The following EPB41L4A variants were observed in gnomAD, a reference collection of about 807,000 sequenced individuals.
The protein encoded by EPB41L4A is erythrocyte membrane protein band 4.1 like 4A, also known as band 4.1-like protein 4A.
EPB41L4A carries 100 observed loss-of-function variants against 108.6 expected under a neutral mutation model. The observed-to-expected ratio is 0.92, with a 90% CI of 0.78 to 1.09. The LOEUF is 1.09. Ranked by LOEUF, EPB41L4A falls within the 50% of genes least tolerant of loss-of-function variation. The pLI is 0.00. For missense variants in EPB41L4A, 1,030 were observed against 842.7 expected (o/e 1.22, Z -2.75); for synonymous variants, 319 against 289.0 (o/e 1.10, Z -1.05).
intron 1 of EPB41L4A, among the ~76,000 whole-genome samples, chr5:112,390,608 T>G (rs1760872099): frequency 6.6e-6 from 1 of 152,340 alleles, no homozygotes. Context: ...AGACTCCACC[T>G]CTGGGGGCAC....
chr5:112,178,860 G>C (rs1448752230), intron 18 of EPB41L4A, among the ~76,000 whole-genome samples: 6 of 151,320 alleles, frequency 4.0e-5, no homozygotes, highest in Non-Finnish European at 8.9e-5. Flanking sequence ...GAAAAAAGAA[G>C]AGCAGGTAAA....
intron 12 of EPB41L4A, among the ~76,000 whole-genome samples, chr5:112,151,482 A>T (rs1301811863): frequency 6.6e-6 from 1 of 151,748 alleles, no homozygotes; most frequent in Non-Finnish European, 1.5e-5. Context: ...ATCTTAGTTC[A>T]CTGCAGCCTC....
intron 1 of EPB41L4A, among the ~76,000 whole-genome samples, chr5:112,373,540 T>C (rs1759625289): frequency 6.6e-6 from 1 of 152,266 alleles, no homozygotes; most frequent in African/African-American, 2.4e-5. Context: ...ACTTGTTATG[T>C]GTCATGTGTT....
At chr5:112,162,067 T>A (rs1226413930), downstream of EPB41L4A, 1 of 152,236 alleles carries the variant, frequency 6.6e-6, no homozygotes, top group African/African-American at 2.4e-5. Context: ...GCTTGTGAAA[T>A]CGCAGGCATA....
intron 12 of EPB41L4A, among the ~76,000 whole-genome samples, chr5:112,212,171 G>C (rs1387073821): frequency 6.6e-6 from 1 of 152,188 alleles, no homozygotes; most frequent in Non-Finnish European, 1.5e-5. Context: ...TGCAGGCAAA[G>C]ATTTGGGATG....
intron 1 of EPB41L4A, among the ~76,000 whole-genome samples, chr5:112,320,466 T>A (rs1433806968): frequency 6.6e-6 from 1 of 152,210 alleles, no homozygotes; most frequent in African/African-American, 2.4e-5. Flanking sequence ...ACTTTTGTTA[T>A]CACTAAAGTG....
At chr5:112,401,551 G>A (rs1330717053) in intron 1 of EPB41L4A, among the ~76,000 whole-genome samples, 1 of 152,166 alleles carries the variant, frequency 6.6e-6, no homozygotes, top group African/African-American at 2.4e-5. Flanking sequence ...GATTGCATAT[G>A]CTTTATTCTC....
chr5:112,343,813 C>T (rs923703869), intron 1 of EPB41L4A, among the ~76,000 whole-genome samples: 1 of 152,182 alleles, frequency 6.6e-6, no homozygotes, highest in Non-Finnish European at 1.5e-5. Context: ...AATTACAATG[C>T]ACAGCCCTCT....
intron 17 of EPB41L4A, among the ~76,000 whole-genome samples, chr5:112,193,294 T>C (rs1274516132): frequency 6.6e-6 from 1 of 152,212 alleles, no homozygotes; most frequent in Admixed American, 6.5e-5. Flanking sequence ...TTTTCTTTCT[T>C]TCTTTCTTTC....
At chr5:112,177,023 G>A (rs1030589019) in intron 18 of EPB41L4A, among the ~76,000 whole-genome samples, 2 of 151,936 alleles carry the variant, frequency 1.3e-5, no homozygotes, top group African/African-American at 4.8e-5. Context: ...CCAAAGTGCT[G>A]GGATTACAGG....
chr5:112,370,619 A>G (rs1759431761), intron 1 of EPB41L4A, among the ~76,000 whole-genome samples: 1 of 152,212 alleles, frequency 6.6e-6, no homozygotes, highest in African/African-American at 2.4e-5. Context: ...CCTCAACTTA[A>G]AAGTAAGTAA....
chr5:112,181,504 C>T (rs1228672273), intron 18 of EPB41L4A, among the ~76,000 whole-genome samples: 9 of 151,960 alleles, frequency 5.9e-5, no homozygotes, highest in Non-Finnish European at 1.3e-4. Flanking sequence ...CAATTCTACT[C>T]CTAGGTATTT....
intron 1 of EPB41L4A, among the ~76,000 whole-genome samples, chr5:112,315,652 A>G (rs879902494): frequency 5.3e-5 from 8 of 152,210 alleles, no homozygotes; most frequent in Non-Finnish European, 1.2e-4. Flanking sequence ...AATATATTCT[A>G]AAGGTAGCAT....
chr5:112,419,139 G>A lies in EPB41L4A; in HGVS notation c.-100C>T, dbSNP rs1026511968. On this transcript the variant is annotated 5_prime_UTR_variant, in exon 1 of 23. The change creates a new upstream start codon in the 5' untranslated region. Coordinates refer to ENST00000261486, the MANE Select transcript of EPB41L4A (RefSeq NM_022140.5). ...GATGCATTAATTTATTGTCCGCGCC[G>A]TGGCGAGGGTGAGACGAGCAGCTCC... 2.3e-6 allele frequency: 2 copies of A among 881,996 alleles called. No individual in the cohort carries two copies. The highest frequency in any genetic ancestry group is 3.6e-6 in the Non-Finnish European group (2 of 549,374). 54.6% of individuals were successfully genotyped at this position (881,996 alleles called of 1,614,324 possible). A position where few individuals can be genotyped will look rare whatever the true frequency, so the allele number is the denominator to read the frequency against.
At chr5:112,255,713 C>A (rs575354612) in intron 9 of EPB41L4A, among the ~76,000 whole-genome samples, 1 of 152,264 alleles carries the variant, frequency 6.6e-6, no homozygotes, top group South Asian at 2.1e-4. Flanking sequence ...AGTCTCGTGG[C>A]TTCAAAAAGT....
Position 112,212,468 on chromosome 5 carries a change from T to C in EPB41L4A, c.1088-2486A>G, listed in dbSNP as rs546969525. Among the ~76,000 whole-genome samples, 7 of 152,132 alleles carry C rather than the reference T, an allele frequency of 4.6e-5. No homozygotes were observed. The East Asian group carries it at 1.4e-3, about 29-fold the overall frequency. ...ACACTGAGTCCAGCTAATTTTTTTA[T>C]AATTTTAGTAGAGACAGGGTTTCAC... On this transcript the variant is annotated intron_variant, in intron 12 of 22. Coordinates refer to ENST00000261486, the MANE Select transcript of EPB41L4A (RefSeq NM_022140.5).
intron 1 of EPB41L4A, among the ~76,000 whole-genome samples, chr5:112,407,163 G>C (rs1247198507): frequency 6.6e-6 from 1 of 152,138 alleles, no homozygotes; most frequent in African/African-American, 2.4e-5. Context: ...ACATTATCTA[G>C]ATTCTGAATG....
chr5:112,207,348 T>C lies in EPB41L4A; in HGVS notation c.1179-1844A>G, dbSNP rs1241004882. Among the ~76,000 whole-genome samples, 3 of 152,158 alleles carry C rather than the reference T, an allele frequency of 2.0e-5. No homozygotes were observed. In the East Asian group the frequency reaches 5.8e-4, roughly 29 times the overall value. ...ACATCTTAGAAGAAAACCTAGGAAATATCATTCTGGACATCAGCCTTGGTG... is the reference window on the plus strand; with the variant it reads ...ACATCTTAGAAGAAAACCTAGGAAACATCATTCTGGACATCAGCCTTGGTG... On this transcript the variant is annotated intron_variant, in intron 13 of 22. Coordinates refer to ENST00000261486, the MANE Select transcript of EPB41L4A (RefSeq NM_022140.5).
At chr5:112,198,288 C>T (rs967404985) in intron 15 of EPB41L4A, among the ~76,000 whole-genome samples, 1 of 152,096 alleles carries the variant, frequency 6.6e-6, no homozygotes, top group African/African-American at 2.4e-5. Flanking sequence ...CCACCTCGGC[C>T]TCTCAAAGTG....
Sources: gnomAD v4.1 joint callset for allele counts (sites outside exome capture counted in the v4.1 genomes callset) on GRCh38, gnomAD v4.1.1 for gene constraint, MANE v1.5 for transcripts, NCBI Gene and HGNC (gene_info 2026-07-23, HGNC 2026-07-21) for gene names.